The following SEZ6L variants were observed in gnomAD, a reference collection of about 807,000 sequenced individuals.
SEZ6L encodes the protein seizure related 6 homolog like.
SEZ6L carries 37 observed loss-of-function variants against 106.2 expected under a neutral mutation model. That is an observed-to-expected ratio of 0.35 (90% CI 0.27 to 0.46). The LOEUF is 0.46. SEZ6L is among the 20% of genes least tolerant of loss of function. The pLI, the probability that SEZ6L is intolerant of heterozygous loss-of-function variation, is 1.00. For missense variants in SEZ6L, 1,172 were observed against 1,332.8 expected, an observed-to-expected ratio of 0.88 and a Z score of 1.88; for synonymous variants, 541 against 570.4, an observed-to-expected ratio of 0.95 and a Z score of 0.73.
At chr22:26,324,398 T>C (rs1169467063) in intron 9 of SEZ6L, among the ~76,000 whole-genome samples, 1 of 152,178 alleles carries the variant, frequency 6.6e-6, no homozygotes, top group Non-Finnish European at 1.5e-5. Flanking sequence ...ATATGATTGA[T>C]AGCTGCAGAA....
intron 1 of SEZ6L, among the ~76,000 whole-genome samples, chr22:26,183,016 A>G (rs761003375): frequency 1.3e-5 from 2 of 152,160 alleles, no homozygotes; most frequent in African/African-American, 4.8e-5. Flanking sequence ...CCCTGTTTCT[A>G]AAGAAAGCAG....
At chr22:26,367,537 G>C (rs1424686239) in intron 13 of SEZ6L, among the ~76,000 whole-genome samples, 1 of 151,984 alleles carries the variant, frequency 6.6e-6, no homozygotes, top group African/African-American at 2.4e-5. Flanking sequence ...AGAGATGGGG[G>C]TCTCGCTATG....
At chr22:26,251,417 G>T (rs1009870919) in intron 1 of SEZ6L, among the ~76,000 whole-genome samples, 1 of 151,568 alleles carries the variant, frequency 6.6e-6, no homozygotes, top group African/African-American at 2.4e-5. Context: ...TAATCATATG[G>T]TTTTTGTCTT....
At chr22:26,304,419 A>G (rs2081569202) in intron 5 of SEZ6L, among the ~76,000 whole-genome samples, 2 of 150,162 alleles carry the variant, frequency 1.3e-5, no homozygotes, top group South Asian at 4.2e-4. Flanking sequence ...AAAGAAAGAA[A>G]GAAAGAAAGA....
At chr22:26,377,003 G>T (rs1290814309) in intron 15 of SEZ6L, among the ~76,000 whole-genome samples, 2 of 152,170 alleles carry the variant, frequency 1.3e-5, no homozygotes, top group African/African-American at 2.4e-5. Flanking sequence ...TCAGGGGCCA[G>T]GCATGGTGGT....
intron 10 of SEZ6L, among the ~76,000 whole-genome samples, chr22:26,344,221 G>A (rs911131495): frequency 3.9e-5 from 6 of 152,166 alleles, no homozygotes; most frequent in Non-Finnish European, 8.8e-5. Context: ...CTGGGCCTAC[G>A]TGGTTCTAGA....
intron 9 of SEZ6L, among the ~76,000 whole-genome samples, chr22:26,323,215 C>A (rs1231266740): frequency 2.6e-5 from 4 of 152,202 alleles, no homozygotes; most frequent in Non-Finnish European, 5.9e-5. Flanking sequence ...TGATGTTCAC[C>A]AGCTCTGTGG....
chr22:26,265,572 A>G (rs2080149440), intron 1 of SEZ6L, among the ~76,000 whole-genome samples: 1 of 152,234 alleles, frequency 6.6e-6, no homozygotes, highest in South Asian at 2.1e-4. Flanking sequence ...ACTGACAAGG[A>G]AAGCACCTCA....
At chr22:26,336,979 C>T (rs1320787436) in intron 9 of SEZ6L, among the ~76,000 whole-genome samples, 1 of 151,974 alleles carries the variant, frequency 6.6e-6, no homozygotes, top group Non-Finnish European at 1.5e-5. Context: ...GATGATGATG[C>T]CAAAAATGAA....
chr22:26,361,246 C>T (rs923626102), intron 12 of SEZ6L, among the ~76,000 whole-genome samples: 5 of 151,468 alleles, frequency 3.3e-5, no homozygotes, highest in Non-Finnish European at 5.9e-5. Flanking sequence ...GCCTGTAATC[C>T]CAGCACTTTG....
chr22:26,352,043 C>T (rs1250849653), intron 12 of SEZ6L, among the ~76,000 whole-genome samples: 3 of 151,954 alleles, frequency 2.0e-5, no homozygotes, highest in African/African-American at 7.2e-5. Flanking sequence ...CACCTATTAT[C>T]CCAGCTGCTC....
At position 26,334,876 on chromosome 22, in the gene SEZ6L, A is replaced by G. The variant is rs561649131; in HGVS notation, c.2016-5560A>G. 3.4e-3 allele frequency among the ~76,000 whole-genome samples: 513 copies of G among 152,286 alleles called. 1 individual carries two copies. Among genetic ancestry groups the G allele is most frequent in the Non-Finnish European group, 5.4e-3 (365 of 68,026 alleles). On this transcript the variant is annotated intron_variant, in intron 9 of 16. Coordinates refer to ENST00000248933, the MANE Select transcript of SEZ6L (RefSeq NM_021115.5). ...TCCCAGAAGGGATCCTGCCACTCCC[A>G]GTCACAGTCAGACCAAGCCTGCCTG... is the stretch of plus-strand genomic sequence containing the variant.
chr22:26,197,244 C>T (rs982173668), intron 1 of SEZ6L, among the ~76,000 whole-genome samples: 22 of 152,150 alleles, frequency 1.4e-4, no homozygotes, highest in African/African-American at 5.3e-4. Context: ...TATCTTGTTC[C>T]CTATTGATTC....
At chr22:26,254,784 C>T (rs1280695542) in intron 1 of SEZ6L, among the ~76,000 whole-genome samples, 2 of 152,068 alleles carry the variant, frequency 1.3e-5, no homozygotes, top group African/African-American at 4.8e-5. Context: ...GGGTGAGTGT[C>T]AGGGGTCTTA....
At chr22:26,317,988 TGGAGG>T (rs914767035) in intron 9 of SEZ6L, among the ~76,000 whole-genome samples, 5 of 152,134 alleles carry the variant, frequency 3.3e-5, no homozygotes, top group Non-Finnish European at 7.4e-5. Context: ...TGAGATTATA[TGGAGG>T]GGAGGGGTCT....
rs1257627114 is a variant in SEZ6L, at chr22:26,351,146, C to G, written c.2502C>G (p.Cys834Trp). Residue 834 changes from cysteine to tryptophan, a missense_variant, in exon 12 of 17, where the codon TGC becomes TGG. By Grantham distance (215) the Cys-to-Trp change is radical. This residue lies in a region of SEZ6L where 534 missense variants were observed against 691.0 expected (regional missense o/e 0.77). Coordinates refer to ENST00000248933, the MANE Select transcript of SEZ6L (RefSeq NM_021115.5). The part of the protein sequence containing the change: ...LLVGTTIQYT[C>W]NPGFVLEGSS... Reference sequence around the variant, plus strand: ...TGGGGACCACCATCCAATACACCTGCAACCCCGGTTTTGTGCTTGAAGGGA... The same window carrying G: ...TGGGGACCACCATCCAATACACCTGGAACCCCGGTTTTGTGCTTGAAGGGA... 6.2e-7 allele frequency: 1 copy of G among 1,614,238 alleles called. No individual in the cohort carries two copies. Among genetic ancestry groups the G allele is most frequent in the South Asian group, 1.1e-5 (1 of 91,082 alleles).
rs202099381 is a variant in SEZ6L, at chr22:26,284,908, A to AT, written c.95-7488dup. 6.0e-4 allele frequency among the ~76,000 whole-genome samples: 90 copies of AT among 150,062 alleles called. No individual in the cohort carries two copies. In the South Asian group the frequency reaches 7.2e-3, roughly 12 times the overall value. The stretch of plus-strand genomic sequence containing the variant: ...AGTCACTTCCCCCATAGGAGTCTTT[A>AT]TTTTTTTTTTCACCTATAAAATGGG... On this transcript the variant is annotated intron_variant, in intron 1 of 16. Coordinates refer to ENST00000248933, the MANE Select transcript of SEZ6L (RefSeq NM_021115.5).
intron 1 of SEZ6L, among the ~76,000 whole-genome samples, chr22:26,210,817 A>T (rs1384567677): frequency 2.6e-5 from 4 of 152,218 alleles, no homozygotes; most frequent in Admixed American, 2.6e-4. Context: ...ATATTTTGTA[A>T]CACTTTAAAG....
At chr22:26,362,969 A>G (rs1359223125) in intron 12 of SEZ6L, among the ~76,000 whole-genome samples, 1 of 152,230 alleles carries the variant, frequency 6.6e-6, no homozygotes, top group East Asian at 1.9e-4. Flanking sequence ...TGATTCATTC[A>G]TCTTTTCATT....
Sources: gnomAD v4.1 joint callset for allele counts (sites outside exome capture counted in the v4.1 genomes callset) on GRCh38, gnomAD v4.1.1 for gene constraint, gnomAD v4.1.1 regional missense constraint, MANE v1.5 for transcripts, NCBI Gene and HGNC (gene_info 2026-07-23, HGNC 2026-07-21) for gene names.